The following LHFPL6 variants were observed in gnomAD, a reference collection of about 807,000 sequenced individuals.
LHFPL6 encodes the protein LHFPL tetraspan subfamily member 6.
LHFPL6 carries 9 observed loss-of-function variants against 20.6 expected under a neutral mutation model. The ratio of observed to expected loss-of-function variants is 0.44; its 90% CI spans 0.26 to 0.76. The LOEUF (loss-of-function observed/expected upper bound fraction) is 0.76, where lower values mean the gene tolerates loss of function less well. LHFPL6 is among the 30% of genes least tolerant of loss of function. The pLI is 0.20. For synonymous variants in LHFPL6, 105 were observed against 98.7 expected (o/e 1.06, Z -0.38); for missense variants, 218 against 253.5 (o/e 0.86, Z 0.95).
chr13:39,396,860 A>G (rs1414360788), intron 2 of LHFPL6, among the ~76,000 whole-genome samples: 1 of 152,108 alleles, frequency 6.6e-6, no homozygotes, highest in Non-Finnish European at 1.5e-5. Flanking sequence ...ACACACACAC[A>G]GAGGCAGAGT....
chr13:39,469,545 C>T (rs1327853368), intron 2 of LHFPL6, among the ~76,000 whole-genome samples: 2 of 152,162 alleles, frequency 1.3e-5, no homozygotes, highest in Non-Finnish European at 2.9e-5. Context: ...AGCCCTGTTT[C>T]CTTGCTCACC....
intron 2 of LHFPL6, among the ~76,000 whole-genome samples, chr13:39,380,224 C>T (rs970260720): frequency 1.3e-5 from 2 of 152,198 alleles, no homozygotes; most frequent in African/African-American, 4.8e-5. Flanking sequence ...GGTAGCACCA[C>T]TTTCTGAGAA....
intron 3 of LHFPL6, among the ~76,000 whole-genome samples, chr13:39,375,180 G>A (rs1052452291): frequency 1.3e-5 from 2 of 152,194 alleles, no homozygotes; most frequent in Non-Finnish European, 2.9e-5. Context: ...CAGAATCTGA[G>A]AGGCAAGGTG....
intron 2 of LHFPL6, among the ~76,000 whole-genome samples, chr13:39,442,589 T>C (rs1420647999): frequency 2.6e-5 from 4 of 152,236 alleles, no homozygotes; most frequent in Non-Finnish European, 4.4e-5. Flanking sequence ...CTGGGAACGA[T>C]TGCTGATTAG....
chr13:39,408,958 G>A (rs544924730), intron 2 of LHFPL6, among the ~76,000 whole-genome samples: 4 of 152,298 alleles, frequency 2.6e-5, no homozygotes, highest in Middle Eastern at 3.4e-3. Flanking sequence ...TTTGTAAAGA[G>A]CCATCACAAT....
chr13:39,512,374 G>A (rs1286061600), intron 2 of LHFPL6, among the ~76,000 whole-genome samples: 4 of 152,124 alleles, frequency 2.6e-5, no homozygotes, highest in African/African-American at 7.2e-5. Context: ...AGGCGGAGGC[G>A]TGTGGATCAC....
rs1006208956 is a variant in LHFPL6, at chr13:39,343,285, T to C, written c.*651A>G. ...ACTGATAGTTTGGCTTATTGGTCCA[T>C]TTATTAGGCTTAATGTATGTTTTAT... On this transcript the variant is annotated 3_prime_UTR_variant, in exon 4 of 4. Transcript: ENST00000379589. 7 of 218,740 alleles carry C rather than the reference T, an allele frequency of 3.2e-5. No individual in the cohort carries two copies. The highest frequency in any genetic ancestry group is 2.7e-4 in the East Asian group (4 of 14,674). The allele number at this position is 218,740 out of a possible 1,614,324, so 13.5% of individuals were successfully genotyped here.
At chr13:39,411,334 A>G (rs780755220) in intron 2 of LHFPL6, among the ~76,000 whole-genome samples, 1 of 152,188 alleles carries the variant, frequency 6.6e-6, no homozygotes, top group Non-Finnish European at 1.5e-5. Flanking sequence ...TTGGTGCTCA[A>G]TATATGTGGA....
intron 2 of LHFPL6, among the ~76,000 whole-genome samples, chr13:39,405,323 T>C (rs975386037): frequency 3.9e-5 from 6 of 152,248 alleles, no homozygotes; most frequent in Non-Finnish European, 5.9e-5. Flanking sequence ...CAGCAGCCTT[T>C]TGTTTATCTG....
At chr13:39,538,618 A>G (rs1011282481) in intron 2 of LHFPL6, among the ~76,000 whole-genome samples, 1 of 151,724 alleles carries the variant, frequency 6.6e-6, no homozygotes, top group Non-Finnish European at 1.5e-5. Flanking sequence ...GGTGACACAG[A>G]CACCAAATGC....
chr13:39,413,793 C>A (rs1403507726), intron 2 of LHFPL6, among the ~76,000 whole-genome samples: 1 of 152,088 alleles, frequency 6.6e-6, no homozygotes, highest in African/African-American at 2.4e-5. Context: ...AAGAATCAAC[C>A]AGCACCCCAG....
chr13:39,390,952 G>T (rs1255757264), intron 2 of LHFPL6, among the ~76,000 whole-genome samples: 1 of 152,128 alleles, frequency 6.6e-6, no homozygotes, highest in Admixed American at 6.6e-5. Context: ...AGCTGAGATC[G>T]CGCCACTGCG....
intron 2 of LHFPL6, among the ~76,000 whole-genome samples, chr13:39,530,226 C>T (rs537985173): frequency 9.1e-5 from 13 of 142,630 alleles, no homozygotes; most frequent in Non-Finnish European, 1.7e-4. Context: ...CCAGCCTGGG[C>T]GACAAAGTGA....
At chr13:39,552,494 G>A (rs540081599) in intron 2 of LHFPL6, among the ~76,000 whole-genome samples, 6 of 152,220 alleles carry the variant, frequency 3.9e-5, no homozygotes, top group Admixed American at 3.3e-4. Flanking sequence ...GAAAGGGTCC[G>A]TAATTAATAA....
chr13:39,355,912 A>T (rs1869713130), intron 3 of LHFPL6, among the ~76,000 whole-genome samples: 1 of 152,212 alleles, frequency 6.6e-6, no homozygotes, highest in South Asian at 2.1e-4. Context: ...CCATGAAAAG[A>T]TTTAGACAGT....
chr13:39,492,401 C>T (rs1156550579), intron 2 of LHFPL6, among the ~76,000 whole-genome samples: 1 of 152,124 alleles, frequency 6.6e-6, no homozygotes, highest in Non-Finnish European at 1.5e-5. Flanking sequence ...ATGCTGGAAC[C>T]TTAACATCAA....
intron 2 of LHFPL6, among the ~76,000 whole-genome samples, chr13:39,380,251 T>G (rs1220089764): frequency 1.3e-5 from 2 of 152,210 alleles, no homozygotes; most frequent in East Asian, 3.8e-4. Flanking sequence ...GTGAACAATT[T>G]TTTTTAAAGG....
At chr13:39,421,699 C>T (rs537575654) in intron 2 of LHFPL6, among the ~76,000 whole-genome samples, 1 of 152,280 alleles carries the variant, frequency 6.6e-6, no homozygotes, top group East Asian at 1.9e-4. Context: ...TGGAAATTCA[C>T]AGCTGTCATC....
At chr13:39,483,463 C>T (rs1231375926) in intron 2 of LHFPL6, among the ~76,000 whole-genome samples, 3 of 151,224 alleles carry the variant, frequency 2.0e-5, no homozygotes, top group Non-Finnish European at 4.4e-5. Flanking sequence ...ATATTCCAAA[C>T]TCCTGTCTTC....
Sources: gnomAD v4.1 joint callset for allele counts (sites outside exome capture counted in the v4.1 genomes callset) on GRCh38, gnomAD v4.1.1 for gene constraint, MANE v1.5 for transcripts, NCBI Gene and HGNC (gene_info 2026-07-23, HGNC 2026-07-21) for gene names.